PRDM16: variants seen among roughly 807,000 people sequenced by gnomAD.
PRDM16 encodes the protein histone-lysine N-methyltransferase PRDM16.
A neutral mutation model predicts 110.6 loss-of-function variants in PRDM16; 23 were observed. The observed-to-expected ratio is 0.21, with a 90% confidence interval of 0.15 to 0.29. The LOEUF is 0.29. Ranked by LOEUF, PRDM16 falls within the 10% of genes least tolerant of loss-of-function variation. The probability of loss-of-function intolerance (pLI) is 1.00; values close to 1 mark genes in which losing one functional copy is unlikely to be tolerated. For synonymous variants in PRDM16, 799 were observed against 781.8 expected (o/e 1.02, Z -0.37); for missense variants, 1,615 against 1,794.3 (o/e 0.90, Z 1.81).
At chr1:3,256,043 G>A (rs1640039239) in intron 3 of PRDM16, among the ~76,000 whole-genome samples, 1 of 152,220 alleles carries the variant, frequency 6.6e-6, no homozygotes, top group Non-Finnish European at 1.5e-5. Context: ...ACCTGGGACT[G>A]GGACTGGAGA....
intron 3 of PRDM16, among the ~76,000 whole-genome samples, chr1:3,304,730 C>T (rs10909922): frequency 0.017 from 2,559 of 148,820 alleles, 59 homozygotes; most frequent in African/African-American, 0.056. Context: ...AACAGACACT[C>T]GCTGTCCCCT....
In PRDM16 at chr1:3,143,267, C is replaced by T. The variant is rs571312648; in HGVS notation, c.38-42858C>T. Among the ~76,000 whole-genome samples the T allele has an allele frequency of 1.3e-5, 2 of 151,998 alleles. No homozygotes were observed. The highest frequency in any genetic ancestry group is 2.4e-5 in the African/African-American group (1 of 41,374). ...GACCCCTGGGTGTGCGGGACCGTGC[C>T]GGGAAGTGTGGACATGGGTCCGGGC... is the stretch of plus-strand genomic sequence containing the variant. On this transcript the variant is annotated intron_variant, in intron 1 of 16. Transcript: ENST00000270722. This position sits in a 1 kb window ranked among gnomAD's most constrained non-coding sequence, Gnocchi z 4.5.
At chr1:3,323,296 C>T (rs547533526) in intron 3 of PRDM16, among the ~76,000 whole-genome samples, 3 of 152,178 alleles carry the variant, frequency 2.0e-5, no homozygotes, top group East Asian at 1.9e-4. Flanking sequence ...GGTGAGAGTC[C>T]GACCTCCTGG....
intron 3 of PRDM16, among the ~76,000 whole-genome samples, chr1:3,376,325 T>C (rs1642989515): frequency 6.6e-6 from 1 of 152,220 alleles, no homozygotes; most frequent in South Asian, 2.1e-4. Flanking sequence ...TCCTCAGATC[T>C]GCCCAGCACT....
chr1:3,188,495 G>A (rs1323095814), intron 2 of PRDM16, among the ~76,000 whole-genome samples: 4 of 152,230 alleles, frequency 2.6e-5, no homozygotes, highest in African/African-American at 9.6e-5. Flanking sequence ...GTGTGTGTAC[G>A]TGAGGGAACG....
At chr1:3,078,999 C>T (rs1408723804) in intron 1 of PRDM16, among the ~76,000 whole-genome samples, 5 of 152,244 alleles carry the variant, frequency 3.3e-5, no homozygotes, top group South Asian at 2.1e-4. Flanking sequence ...CCAAAAATGA[C>T]GCTCACCGGA....
chr1:3,393,230 G>A (rs1006917997), intron 4 of PRDM16, among the ~76,000 whole-genome samples: 3 of 152,210 alleles, frequency 2.0e-5, no homozygotes, highest in African/African-American at 7.2e-5. Context: ...TAGCGGAGGC[G>A]AGTGTTTATA....
chr1:3,106,405 TG>T (rs1226857191), intron 1 of PRDM16, among the ~76,000 whole-genome samples: 1 of 151,982 alleles, frequency 6.6e-6, no homozygotes, highest in Non-Finnish European at 1.5e-5. Context: ...GTGGCCCCAC[TG>T]GGGCCCGAGG....
chr1:3,334,423 G>C (rs1213451987), intron 3 of PRDM16, among the ~76,000 whole-genome samples: 1 of 151,850 alleles, frequency 6.6e-6, no homozygotes, highest in Non-Finnish European at 1.5e-5. Flanking sequence ...TCTCTGAAGA[G>C]AGCCCCAGAT....
intron 3 of PRDM16, among the ~76,000 whole-genome samples, chr1:3,331,889 C>T (rs1358929179): frequency 6.6e-6 from 1 of 152,212 alleles, no homozygotes; most frequent in African/African-American, 2.4e-5. Context: ...TCAGGGACTC[C>T]GGGCTCATGA....
At chr1:3,343,860 C>G (rs1232667246) in intron 3 of PRDM16, among the ~76,000 whole-genome samples, 1 of 152,190 alleles carries the variant, frequency 6.6e-6, no homozygotes, top group Non-Finnish European at 1.5e-5. Flanking sequence ...CCAGGATGGT[C>G]TCAATCTCCT....
At chr1:3,351,173 A>T (rs1642473840) in intron 3 of PRDM16, among the ~76,000 whole-genome samples, 1 of 152,086 alleles carries the variant, frequency 6.6e-6, no homozygotes, top group Admixed American at 6.5e-5. Context: ...CCTGCTTCCC[A>T]CGGGGTCCAC....
At chr1:3,110,707 T>C (rs1642772183) in intron 1 of PRDM16, among the ~76,000 whole-genome samples, 1 of 152,226 alleles carries the variant, frequency 6.6e-6, no homozygotes, top group Non-Finnish European at 1.5e-5. Context: ...ATCAGCTTGG[T>C]GTGAACTTTC....
At chr1:3,153,722 TA>T (rs1159058108) in intron 1 of PRDM16, among the ~76,000 whole-genome samples, 1 of 152,242 alleles carries the variant, frequency 6.6e-6, no homozygotes, top group Non-Finnish European at 1.5e-5. Flanking sequence ...ACATTTAATT[TA>T]CACTGATTAA....
chr1:3,134,719 T>G (rs1643401894), intron 1 of PRDM16, among the ~76,000 whole-genome samples: 1 of 152,248 alleles, frequency 6.6e-6, no homozygotes, highest in Admixed American at 6.5e-5. Flanking sequence ...AGATTAAACT[T>G]AAAGCGATTA....
chr1:3,120,578 A>G (rs1179125612), intron 1 of PRDM16, among the ~76,000 whole-genome samples: 2 of 152,144 alleles, frequency 1.3e-5, no homozygotes, highest in Admixed American at 6.5e-5. Flanking sequence ...GCCAGAAAGG[A>G]ACTCGGGAGA....
At chr1:3,364,204 C>T (rs961429660) in intron 3 of PRDM16, among the ~76,000 whole-genome samples, 4 of 152,130 alleles carry the variant, frequency 2.6e-5, no homozygotes, top group Non-Finnish European at 5.9e-5. Context: ...ACCGTGGCCA[C>T]GACGTGGCAG....
intron 8 of PRDM16, among the ~76,000 whole-genome samples, chr1:3,407,945 G>A (rs1470667002): frequency 1.3e-5 from 2 of 152,200 alleles, no homozygotes; most frequent in Non-Finnish European, 1.5e-5. Context: ...TGGGCAGATC[G>A]GGTTTATGAA....
intron 3 of PRDM16, among the ~76,000 whole-genome samples, chr1:3,291,024 C>T (rs533435426): frequency 2.0e-5 from 3 of 151,904 alleles, no homozygotes; most frequent in South Asian, 2.1e-4. Context: ...TCCTTGTCTC[C>T]GGCTTGGAGG....
Sources: allele counts gnomAD v4.1 joint callset (sites outside exome capture counted in the v4.1 genomes callset), GRCh38; gene constraint gnomAD v4.1.1; non-coding constraint Gnocchi (gnomAD v3.1); transcripts MANE v1.5; gene names NCBI Gene and HGNC (gene_info 2026-07-23, HGNC 2026-07-21).